The following ANO1 variants were observed in gnomAD, a reference collection of about 807,000 sequenced individuals.
ANO1 encodes the protein anoctamin 1.
Under a neutral mutation model 124.0 loss-of-function variants are expected in ANO1, and 59 were observed. The ratio of observed to expected loss-of-function variants is 0.48; its 90% CI spans 0.39 to 0.59. The LOEUF is 0.59. Among genes scored for constraint, ANO1 ranks in the 20% least tolerant of loss-of-function variants. The pLI, the probability that ANO1 is intolerant of heterozygous loss-of-function variation, is 0.00. For missense variants in ANO1, 1,059 were observed against 1,328.0 expected (o/e 0.80, Z 3.15); for synonymous variants, 529 against 532.0 (o/e 0.99, Z 0.08).
At chr11:70,067,419 C>G (rs184385022) in intron 1 of ANO1, among the ~76,000 whole-genome samples, 1 of 151,530 alleles carries the variant, frequency 6.6e-6, no homozygotes, top group African/African-American at 2.4e-5. Context: ...CCTCCACCCC[C>G]TAGGTTTAAG....
chr11:70,007,525 C>T (rs1317500487), intron 1 of ANO1, among the ~76,000 whole-genome samples: 3 of 152,138 alleles, frequency 2.0e-5, no homozygotes, highest in Admixed American at 2.0e-4. Flanking sequence ...ATCCGCCGGC[C>T]CATCTTGGCC....
chr11:70,148,912 G>C (rs185854881), intron 11 of ANO1, among the ~76,000 whole-genome samples: 83 of 152,340 alleles, frequency 5.4e-4, no homozygotes, highest in African/African-American at 1.9e-3. Flanking sequence ...GAGAGGAGCT[G>C]GGTTTTTCTC....
intron 1 of ANO1, among the ~76,000 whole-genome samples, chr11:70,054,655 G>T (rs1169855718): frequency 6.6e-6 from 1 of 152,218 alleles, no homozygotes; most frequent in Non-Finnish European, 1.5e-5. Context: ...GTGAGGGGCA[G>T]GCCTGAGTCT....
the ANO1 span, among the ~76,000 whole-genome samples, chr11:69,970,133 G>A: frequency 6.6e-6 from 1 of 152,192 alleles, no homozygotes; most frequent in Admixed American, 6.5e-5. Context: ...AACAGGAAAT[G>A]CAGACAAACA....
At chr11:70,162,845 G>A (rs2048110949) in intron 18 of ANO1, among the ~76,000 whole-genome samples, 2 of 152,312 alleles carry the variant, frequency 1.3e-5, no homozygotes. Flanking sequence ...CCCCACCCAG[G>A]GTGGCCTTTG....
chr11:70,112,975 A>G (rs1025845514), intron 7 of ANO1, among the ~76,000 whole-genome samples: 1 of 152,190 alleles, frequency 6.6e-6, no homozygotes, highest in Non-Finnish European at 1.5e-5. Flanking sequence ...GAAGGAGTCT[A>G]GGCAGATCTG....
chr11:70,023,101 C>A, intron 1 of ANO1, among the ~76,000 whole-genome samples: 1 of 152,186 alleles, frequency 6.6e-6, no homozygotes, highest in East Asian at 1.9e-4. Flanking sequence ...TAGCTTTAGC[C>A]CAGTGAGATC....
At chr11:69,980,526 C>A in the ANO1 span, among the ~76,000 whole-genome samples, 2 of 151,724 alleles carry the variant, frequency 1.3e-5, no homozygotes, top group African/African-American at 4.8e-5. Flanking sequence ...GAGGCTGAGG[C>A]AGGAGAATGG....
intron 7 of ANO1, among the ~76,000 whole-genome samples, chr11:70,112,083 C>A (rs1194454284): frequency 6.6e-6 from 1 of 152,232 alleles, no homozygotes; most frequent in Non-Finnish European, 1.5e-5. Flanking sequence ...CTACCCCCAG[C>A]TGGCCCGGGG....
At chr11:70,120,505 G>T (rs2046217900) in intron 8 of ANO1, among the ~76,000 whole-genome samples, 1 of 152,130 alleles carries the variant, frequency 6.6e-6, no homozygotes, top group South Asian at 2.1e-4. Flanking sequence ...TTCCAGGTGT[G>T]GACTGAGGTC....
chr11:70,028,887 T>C lies in ANO1; in HGVS notation c.58+42721T>C, dbSNP rs545289968. ...ACCTCTGCCTCCTGGGTTCAAGTGA[T>C]TCTCCTGCCTCAGCCCTCCAAGTAG... is the stretch of plus-strand genomic sequence containing the variant. On this transcript the variant is annotated intron_variant, in intron 1 of 27. Transcript: ENST00000531349. Among the ~76,000 whole-genome samples, 6 of 152,308 alleles carry C rather than the reference T, an allele frequency of 3.9e-5. No individual in the cohort carries two copies. In the South Asian group the frequency reaches 6.2e-4, roughly 16 times the overall value.
chr11:70,167,207 C>A, intron 20 of ANO1, 35 bp from the exon 21 acceptor site: 1 of 1,610,830 alleles, frequency 6.2e-7, no homozygotes, highest in African/African-American at 1.3e-5. Flanking sequence ...ATTCACCCTC[C>A]TGCAAACCTA....
At chr11:70,130,005 G>A (rs2046680789) in intron 10 of ANO1, among the ~76,000 whole-genome samples, 1 of 152,204 alleles carries the variant, frequency 6.6e-6, no homozygotes. Flanking sequence ...GGGCACAGAG[G>A]AGGCCCTTCA....
At chr11:70,096,466 A>G (rs766120200) in intron 2 of ANO1, among the ~76,000 whole-genome samples, 1 of 152,190 alleles carries the variant, frequency 6.6e-6, no homozygotes, top group African/African-American at 2.4e-5. Flanking sequence ...CAGCAGTGAC[A>G]TGACATTCTC....
intron 1 of ANO1, among the ~76,000 whole-genome samples, chr11:70,059,001 G>C (rs1348598072): frequency 6.6e-6 from 1 of 151,668 alleles, no homozygotes; most frequent in Non-Finnish European, 1.5e-5. Flanking sequence ...GGCTAACACG[G>C]TGAAACCCCG....
At chr11:70,103,216 T>C (rs1215532301) in intron 3 of ANO1, 52 bp downstream of exon 3, 9 of 1,471,160 alleles carry the variant, frequency 6.1e-6, no homozygotes, top group African/African-American at 2.8e-5. Context: ...TAGAGGTCAC[T>C]TGGACGCCTG....
chr11:70,156,184 G>A (rs896340034), intron 15 of ANO1, among the ~76,000 whole-genome samples, 196 bp downstream of exon 15: 1 of 152,026 alleles, frequency 6.6e-6, no homozygotes. Flanking sequence ...CTGCGGTGGC[G>A]GGGACGGGGG....
chr11:70,107,790 G>A (rs957388821), intron 5 of ANO1, among the ~76,000 whole-genome samples: 1 of 152,140 alleles, frequency 6.6e-6, no homozygotes, highest in Non-Finnish European at 1.5e-5. Flanking sequence ...GGGGCAGGCA[G>A]CCGGGGGGGA....
At chr11:70,130,310 G>A (rs901484876) in intron 10 of ANO1, among the ~76,000 whole-genome samples, 9 of 152,224 alleles carry the variant, frequency 5.9e-5, no homozygotes, top group Admixed American at 6.5e-5. Flanking sequence ...CCAGGGCCAC[G>A]GAGGGTATGA....
Sources: gnomAD v4.1 joint callset for allele counts (sites outside exome capture counted in the v4.1 genomes callset) on GRCh38, gnomAD v4.1.1 for gene constraint, MANE v1.5 for transcripts, NCBI Gene and HGNC (gene_info 2026-07-23, HGNC 2026-07-21) for gene names.